The following NTM variants were observed in gnomAD, a reference collection of about 807,000 sequenced individuals.
NTM encodes IgLON family member 2.
Under a neutral mutation model 42.1 loss-of-function variants are expected in NTM, and 13 were observed. That is an observed-to-expected ratio of 0.31 (90% CI 0.20 to 0.49). NTM has a LOEUF of 0.49. NTM is among the 20% of genes least tolerant of loss of function. The pLI, the probability that NTM is intolerant of heterozygous loss-of-function variation, is 0.99. For synonymous variants in NTM, 187 were observed against 179.2 expected, an observed-to-expected ratio of 1.04 and a Z score of -0.35; for missense variants, 373 against 452.8, an observed-to-expected ratio of 0.82 and a Z score of 1.60.
chr11:131,695,521 G>C (rs2075341756), intron 1 of NTM, among the ~76,000 whole-genome samples: 1 of 152,198 alleles, frequency 6.6e-6, no homozygotes, highest in Non-Finnish European at 1.5e-5. Flanking sequence ...AAATGAGGTT[G>C]TCGGGTTTTG....
intron 3 of NTM, among the ~76,000 whole-genome samples, chr11:132,206,539 T>A (rs986774485): frequency 5.3e-5 from 8 of 152,228 alleles, no homozygotes; most frequent in South Asian, 4.1e-4. Flanking sequence ...AGACAGTTAT[T>A]AGCTCCATTT....
chr11:131,700,600 T>C (rs567645698), intron 1 of NTM, among the ~76,000 whole-genome samples: 53 of 152,336 alleles, frequency 3.5e-4, no homozygotes, highest in Middle Eastern at 3.4e-3. Flanking sequence ...CACATATTAA[T>C]CCATTTAATC....
chr11:132,015,685 G>T (rs2073281540), intron 2 of NTM, among the ~76,000 whole-genome samples: 1 of 136,410 alleles, frequency 7.3e-6, no homozygotes, highest in South Asian at 2.6e-4. Flanking sequence ...GCTAATGTAA[G>T]TGTGATTGTT....
At chr11:131,836,899 G>A (rs2136620914) in intron 1 of NTM, among the ~76,000 whole-genome samples, 1 of 152,236 alleles carries the variant, frequency 6.6e-6, no homozygotes, top group African/African-American at 2.4e-5. Flanking sequence ...GTTTGATTTT[G>A]CTCCTGGTGA....
chr11:131,660,757 G>A, intron 1 of NTM: 1 of 744,342 alleles, frequency 1.3e-6, no homozygotes, highest in Non-Finnish European at 1.9e-6. Flanking sequence ...AGGGAGACTG[G>A]GCCCTGGGGA....
At chr11:132,022,624 TATA>T (rs775150694) in intron 2 of NTM, among the ~76,000 whole-genome samples, 7 of 152,218 alleles carry the variant, frequency 4.6e-5, no homozygotes, top group Non-Finnish European at 8.8e-5. Flanking sequence ...GTTTGTTGAA[TATA>T]ATAATGTCAA....
intron 2 of NTM, among the ~76,000 whole-genome samples, chr11:131,975,457 C>A (rs1014439319): frequency 1.3e-5 from 2 of 152,110 alleles, no homozygotes; most frequent in Non-Finnish European, 2.9e-5. Context: ...GGATTACAGG[C>A]GTGAGCCACT....
chr11:132,197,672 T>C (rs1235310376), intron 3 of NTM, among the ~76,000 whole-genome samples: 2 of 114,658 alleles, frequency 1.7e-5, no homozygotes, highest in Admixed American at 1.3e-4. Flanking sequence ...CAACAGGCCC[T>C]GGTGTGTGAT....
intron 4 of NTM, among the ~76,000 whole-genome samples, chr11:132,217,575 G>A (rs183336671): frequency 3.9e-5 from 6 of 152,092 alleles, no homozygotes; most frequent in African/African-American, 7.2e-5. Context: ...CTGTCTGTTG[G>A]ATTCCAAGCC....
intron 2 of NTM, among the ~76,000 whole-genome samples, chr11:131,937,262 A>G (rs1042266064): frequency 1.3e-5 from 2 of 152,210 alleles, no homozygotes; most frequent in Non-Finnish European, 2.9e-5. Context: ...ATGAAAAAGA[A>G]CTGTTATTGG....
At chr11:131,688,230 G>A (rs982642446) in intron 1 of NTM, among the ~76,000 whole-genome samples, 1 of 152,158 alleles carries the variant, frequency 6.6e-6, no homozygotes, top group African/African-American at 2.4e-5. Context: ...ACAGGCTCCC[G>A]GGGCGGGGGA....
chr11:131,691,803 C>T (rs1475670274), intron 1 of NTM, among the ~76,000 whole-genome samples: 1 of 152,236 alleles, frequency 6.6e-6, no homozygotes, highest in Non-Finnish European at 1.5e-5. Flanking sequence ...GGCGCATCCA[C>T]ACAGCTCCGC....
chr11:131,821,316 G>T (rs57032287), intron 1 of NTM, among the ~76,000 whole-genome samples: 1,593 of 152,298 alleles, frequency 0.01, 28 homozygotes, highest in African/African-American at 0.036. Context: ...GAGATCCTTA[G>T]TCATGACCTG....
At chr11:132,050,551 A>C (rs559981487) in intron 2 of NTM, among the ~76,000 whole-genome samples, 1 of 152,310 alleles carries the variant, frequency 6.6e-6, no homozygotes, top group East Asian at 1.9e-4. Flanking sequence ...GACAGGCGAA[A>C]ACATGCAATT....
intron 2 of NTM, among the ~76,000 whole-genome samples, chr11:132,082,616 G>A (rs2059224500): frequency 1.3e-5 from 2 of 152,322 alleles, no homozygotes; most frequent in African/African-American, 2.4e-5. Context: ...ATTTGCCTAG[G>A]CATTTGGCTG....
rs531075817 is a variant in NTM, at chr11:131,959,469, T to G, written c.167+47821T>G. Among the ~76,000 whole-genome samples, 34 of 151,836 alleles carry G rather than the reference T, an allele frequency of 2.2e-4. 1 individual carries two copies. In the South Asian group the frequency reaches 6.2e-3, roughly 28 times the overall value. On this transcript the variant is annotated intron_variant, in intron 2 of 8. Coordinates refer to ENST00000683400, the MANE Select transcript of NTM (RefSeq NM_001352005.2). ...ATAGAGAAACCCCATCTTTACAAAA[T>G]AAAATAATTAAAAAAAATTAGCCAG... is the stretch of plus-strand genomic sequence containing the variant.
At chr11:132,260,679 C>T (rs1353283624) in intron 4 of NTM, among the ~76,000 whole-genome samples, 4 of 152,314 alleles carry the variant, frequency 2.6e-5, no homozygotes, top group Admixed American at 1.3e-4. Context: ...ATTTTATTCA[C>T]AATCTGGCCA....
chr11:131,521,413 TTTTTTTTTTGA>T (rs2049688679), intron 1 of NTM, among the ~76,000 whole-genome samples: 1 of 55,926 alleles, frequency 1.8e-5, no homozygotes. Context: ...TTTTTTTTTT[TTTTTTTTTTGA>T]GACGGGAGTC....
chr11:131,910,224 T>G (rs79187646), intron 1 of NTM: 6 of 152,160 alleles, frequency 3.9e-5, no homozygotes, highest in Non-Finnish European at 8.8e-5. Context: ...TTACTCTGAA[T>G]GCTAATGGGA....
Sources: allele counts gnomAD v4.1 joint callset (sites outside exome capture counted in the v4.1 genomes callset), GRCh38; gene constraint gnomAD v4.1.1; transcripts MANE v1.5; gene names NCBI Gene and HGNC (gene_info 2026-07-23, HGNC 2026-07-21).